DCAF8L2: variants seen among roughly 807,000 people sequenced by gnomAD.
DCAF8L2 encodes the protein DDB1- and CUL4-associated factor 8-like protein 2.
For missense variants in DCAF8L2, 430 were observed against 490.7 expected, an observed-to-expected ratio of 0.88 and a Z score of 1.17; for synonymous variants, 200 against 190.9, an observed-to-expected ratio of 1.05 and a Z score of -0.39.
intron 4 of DCAF8L2, among the ~76,000 whole-genome samples, chrX:27,720,156 GAATACCTT>G (rs1931842846): frequency 9.1e-6 from 1 of 110,232 alleles, no homozygotes; most frequent in Non-Finnish European, 1.9e-5. Context: ...TCCCCTATTG[GAATACCTT>G]AATACCTATG....
chrX:27,705,623 A>G lies in DCAF8L2; in HGVS notation c.-142-10465A>G, dbSNP rs1043851522. The stretch of plus-strand genomic sequence containing the variant: ...AAAAGTGTGTTTATGTCCTTTGCCC[A>G]CTTTTTAATGGGGTTGTTTTTTCTT... On this transcript the variant is annotated intron_variant, in intron 3 of 4. Transcript: ENST00000451261. Among the ~76,000 whole-genome samples the G allele has an allele frequency of 3.6e-5, 4 of 111,054 alleles. No individual in the cohort carries two copies. The South Asian group carries it at 1.1e-3, about 31-fold the overall frequency.
chrX:27,731,149 G>A (rs558882309), intron 4 of DCAF8L2, among the ~76,000 whole-genome samples: 7 of 110,436 alleles, frequency 6.3e-5, no homozygotes, highest in Non-Finnish European at 9.5e-5. Context: ...TTGGGAGACC[G>A]AGGCGGGTGG....
chrX:27,506,538 C>G, the DCAF8L2 span, among the ~76,000 whole-genome samples: 3 of 110,341 alleles, frequency 2.7e-5, no homozygotes, highest in African/African-American at 9.9e-5. Flanking sequence ...AGAATTCCTC[C>G]TTTCCTCTTT....
the DCAF8L2 span, among the ~76,000 whole-genome samples, chrX:27,541,019 A>G: frequency 1.8e-5 from 2 of 111,967 alleles, no homozygotes; most frequent in African/African-American, 3.2e-5. Context: ...TTTCATCCCA[A>G]AATATTGTAG....
intron 1 of DCAF8L2, among the ~76,000 whole-genome samples, chrX:27,600,562 G>A (rs1483146307): frequency 2.7e-5 from 3 of 111,877 alleles, no homozygotes; most frequent in African/African-American, 6.5e-5. Flanking sequence ...AGCATGTTCC[G>A]AAAATTTTAT....
intron 1 of DCAF8L2, among the ~76,000 whole-genome samples, chrX:27,620,679 T>C (rs998725513): frequency 2.0e-4 from 22 of 112,064 alleles, no homozygotes; most frequent in African/African-American, 6.8e-4. Context: ...ATATCAAGTA[T>C]TGGCAAGGCT....
At chrX:27,528,006 T>A in the DCAF8L2 span, among the ~76,000 whole-genome samples, 3 of 66,755 alleles carry the variant, frequency 4.5e-5, no homozygotes, top group East Asian at 5.5e-4. Context: ...TAAATTAAAT[T>A]TTTAATTTAA....
the DCAF8L2 span, among the ~76,000 whole-genome samples, chrX:27,580,029 T>C: frequency 9.0e-6 from 1 of 110,644 alleles, no homozygotes; most frequent in Non-Finnish European, 1.9e-5. Context: ...CACTCACTTT[T>C]AGTTTCTAAT....
At chrX:27,592,175 G>A (rs1926122074) in intron 1 of DCAF8L2, among the ~76,000 whole-genome samples, 2 of 112,105 alleles carry the variant, frequency 1.8e-5, no homozygotes, top group African/African-American at 6.5e-5. Context: ...TGAGTGAGGT[G>A]CGTGGGGCAG....
Position 27,667,187 on chromosome X carries a change from T to C in DCAF8L2, c.-219-10649T>C, listed in dbSNP as rs918188592. ...GATACAAGGTAACCCATAAAAAATG[T>C]TGCAGGTTTCACCTGACAGATACAG... is the stretch of plus-strand genomic sequence containing the variant. On this transcript the variant is annotated intron_variant, in intron 2 of 4. Transcript: ENST00000451261. Among the ~76,000 whole-genome samples the C allele has an allele frequency of 2.7e-5, 3 of 111,338 alleles. No individual in the cohort carries two copies. The Admixed American group carries it at 2.9e-4, about 11-fold the overall frequency.
intron 1 of DCAF8L2, among the ~76,000 whole-genome samples, chrX:27,621,465 A>G (rs975646307): frequency 1.8e-5 from 2 of 111,376 alleles, no homozygotes; most frequent in Admixed American, 1.9e-4. Context: ...AGAAAACAGG[A>G]AAAAAAATTG....
the DCAF8L2 span, among the ~76,000 whole-genome samples, chrX:27,479,011 G>A: frequency 9.0e-6 from 1 of 111,261 alleles, no homozygotes; most frequent in Non-Finnish European, 1.9e-5. Context: ...ACAAAAGTGA[G>A]GGGATGTCAC....
chrX:27,622,816 G>A (rs1301902920), intron 1 of DCAF8L2, among the ~76,000 whole-genome samples: 1 of 110,976 alleles, frequency 9.0e-6, no homozygotes, highest in Non-Finnish European at 1.9e-5. Context: ...GTGTATGGGA[G>A]TTATTTGGGT....
rs1926013322 is a variant in DCAF8L2 at position 27,590,371 on chromosome X, C to T, written c.-411C>T. The T allele has an allele frequency of 9.0e-6, 1 of 111,436 alleles. No individual in the cohort carries two copies. The highest frequency in any genetic ancestry group is 9.6e-5 in the Admixed American group (1 of 10,406). 9.2% of individuals were successfully genotyped at this position (111,436 alleles called of 1,213,427 possible). On this transcript the variant is annotated 5_prime_UTR_variant, in exon 1 of 5. Coordinates refer to ENST00000451261, the MANE Select transcript of DCAF8L2 (RefSeq NM_001353450.2). ...GGAGTCGCAAAAGCTGAACATCCTC[C>T]CCACAAGGTTATTTAGAAGACGTCT... is the stretch of plus-strand genomic sequence containing the variant.
At chrX:27,670,341 G>A (rs2147224830) in intron 2 of DCAF8L2, among the ~76,000 whole-genome samples, 1 of 111,193 alleles carries the variant, frequency 9.0e-6, no homozygotes, top group South Asian at 3.7e-4. Context: ...TGGAGAGGGT[G>A]AGTTGGAGCT....
intron 1 of DCAF8L2, chrX:27,627,537 T>TTGTGTGTG (rs58826584): frequency 3.7e-4 from 34 of 90,927 alleles, no homozygotes; most frequent in Middle Eastern, 5.6e-3. Context: ...GTTGTTTTTG[T>TTGTGTGTG]TGTGTGTGTG....
In DCAF8L2 at chrX:27,716,179, G is replaced by T. The variant is rs761530707; in HGVS notation, c.-59+8G>T. On this transcript the variant is annotated splice_region_variant and intron_variant, in intron 4 of 4. Coordinates refer to ENST00000451261, the MANE Select transcript of DCAF8L2 (RefSeq NM_001353450.2). Reference sequence around the variant, plus strand: ...TAATTGCTACTGACACAGGTGAGTGGCATGGGTAGCAAATTATGCATGGCA... The same window carrying T: ...TAATTGCTACTGACACAGGTGAGTGTCATGGGTAGCAAATTATGCATGGCA... The T allele has an allele frequency of 8.9e-6, 1 of 111,836 alleles. No individual in the cohort carries two copies. The highest frequency in any genetic ancestry group is 1.9e-5 in the Non-Finnish European group (1 of 53,227). 9.2% of individuals were successfully genotyped at this position (111,836 alleles called of 1,213,427 possible).
At chrX:27,735,287 A>G (rs1391012800) in intron 4 of DCAF8L2, among the ~76,000 whole-genome samples, 1 of 111,656 alleles carries the variant, frequency 9.0e-6, no homozygotes, top group African/African-American at 3.3e-5. Flanking sequence ...GTGAAGTACT[A>G]GATAAAACAG....
Position 27,747,318 on chromosome X carries a change from G to GGAGGAA in DCAF8L2, c.428_429insAGAGGA (p.Glu146_Glu147dup). ...AGGAGGAGGAGGAGGAGGAGGAGGA[G>GGAGGAA]GAGGAGGAGGAAGAAGAACAGCCTC... On this transcript the variant is annotated inframe_insertion, in exon 5 of 5. Transcript: ENST00000451261. The GGAGGAA allele has an allele frequency of 9.1e-7, 1 of 1,104,573 alleles. No individual in the cohort carries two copies. The highest frequency in any genetic ancestry group is 1.2e-6 in the Non-Finnish European group (1 of 831,693). 91.0% of individuals were successfully genotyped at this position (1,104,573 alleles called of 1,213,427 possible).
Sources: gnomAD v4.1 joint callset for allele counts (sites outside exome capture counted in the v4.1 genomes callset) on GRCh38, gnomAD v4.1.1 for gene constraint, MANE v1.5 for transcripts, NCBI Gene and HGNC (gene_info 2026-07-23, HGNC 2026-07-21) for gene names.